Variants in ADCYAP1R1 observed in about 807,000 individuals in gnomAD.
The protein encoded by ADCYAP1R1 is pituitary adenylate cyclase-activating polypeptide type I receptor.
Under a neutral mutation model 67.6 loss-of-function variants are expected in ADCYAP1R1, and 44 were observed. The observed-to-expected ratio is 0.65, with a 90% CI of 0.51 to 0.84. The LOEUF (loss-of-function observed/expected upper bound fraction) is 0.84. Ranked by LOEUF, ADCYAP1R1 falls within the 40% of genes least tolerant of loss-of-function variation. ADCYAP1R1 has a pLI of 0.00. For missense variants in ADCYAP1R1, 477 were observed against 587.9 expected (o/e 0.81, Z 1.95); for synonymous variants, 222 against 219.6 (o/e 1.01, Z -0.10).
chr7:31,072,701 C>T (rs1207376288), intron 3 of ADCYAP1R1, among the ~76,000 whole-genome samples: 3 of 152,206 alleles, frequency 2.0e-5, no homozygotes, highest in African/African-American at 7.2e-5. Flanking sequence ...CGAATAATGC[C>T]CCCACCCCGG....
chr7:31,084,697 G>T, intron 7 of ADCYAP1R1, 40 bp from the exon 8 acceptor site: 1 of 1,556,342 alleles, frequency 6.4e-7, no homozygotes, highest in Non-Finnish European at 8.9e-7. Context: ...CTGTGGGCAG[G>T]TCTCACATGA....
intron 3 of ADCYAP1R1, among the ~76,000 whole-genome samples, chr7:31,065,919 C>CA (rs1794717553): frequency 6.6e-6 from 1 of 152,210 alleles, no homozygotes; most frequent in Non-Finnish European, 1.5e-5. Context: ...GGAATGGTCC[C>CA]ACTGGACGGA....
intron 3 of ADCYAP1R1, among the ~76,000 whole-genome samples, chr7:31,076,760 G>C (rs1795241927): frequency 6.6e-6 from 1 of 152,128 alleles, no homozygotes; most frequent in Admixed American, 6.5e-5. Flanking sequence ...GGGGGGAGTG[G>C]AGCAGCAGCC....
intron 1 of ADCYAP1R1, among the ~76,000 whole-genome samples, chr7:31,053,482 G>C (rs1794112433): frequency 6.6e-6 from 1 of 152,194 alleles, no homozygotes; most frequent in Non-Finnish European, 1.5e-5. Flanking sequence ...CAGGTTAGGG[G>C]GCTCAGAAGG....
In ADCYAP1R1 at chr7:31,106,850, C is replaced by T. The variant is rs1584556670; in HGVS notation, c.*166C>T. On this transcript the variant is annotated 3_prime_UTR_variant, in exon 16 of 16. Coordinates refer to ENST00000304166, the MANE Select transcript of ADCYAP1R1 (RefSeq NM_001118.5). ...GCAGGGCACAGACTGGAATTGTCCC[C>T]TCCTTGTTTTGGTACTGGTCCCACC... The T allele has an allele frequency of 2.4e-6, 2 of 833,376 alleles. No individual in the cohort carries two copies. The highest frequency in any genetic ancestry group is 1.9e-5 in the South Asian group (1 of 52,424). 51.6% of individuals were successfully genotyped at this position (833,376 alleles called of 1,614,324 possible).
chr7:31,053,498 G>A lies in ADCYAP1R1; in HGVS notation c.-72+820G>A, dbSNP rs182038967. ...AGGTTAGGGGGCTCAGAAGGGACAGGGGAGCCGATGGATGCAACTAGACCC... is the reference window on the plus strand; with the variant it reads ...AGGTTAGGGGGCTCAGAAGGGACAGAGGAGCCGATGGATGCAACTAGACCC... On this transcript the variant is annotated intron_variant, in intron 1 of 15. Coordinates refer to ENST00000304166, the MANE Select transcript of ADCYAP1R1 (RefSeq NM_001118.5). Among the ~76,000 whole-genome samples, 17 of 152,324 alleles carry A rather than the reference G, an allele frequency of 1.1e-4. No homozygotes were observed. The East Asian group carries it at 3.3e-3, about 29-fold the overall frequency.
Position 31,086,881 on chromosome 7 carries a change from C to A in ADCYAP1R1, c.824-62C>A. On this transcript the variant is annotated intron_variant, in intron 10 of 15. Coordinates refer to ENST00000304166, the MANE Select transcript of ADCYAP1R1 (RefSeq NM_001118.5). This position sits in a 1 kb window ranked among gnomAD's most constrained non-coding sequence, Gnocchi z 5.0. ...ATAGCCTCTCGGAGCCCCAGGTCTA[C>A]GGTGGACATTGGACATGTTGGTTTT... 6.5e-7 allele frequency: 1 copy of A among 1,549,164 alleles called. No individual in the cohort carries two copies. The highest frequency in any genetic ancestry group is 8.9e-7 in the Non-Finnish European group (1 of 1,121,176).
Position 31,086,392 on chromosome 7 carries a change from T to C in ADCYAP1R1, c.678T>C (p.Cys226=). The change falls in exon 10 of 16, where the codon TGT becomes TGC. Residue 226 remains cysteine, a synonymous_variant. Coordinates refer to ENST00000304166, the MANE Select transcript of ADCYAP1R1 (RefSeq NM_001118.5). This position sits in a 1 kb window ranked among gnomAD's most constrained non-coding sequence, Gnocchi z 5.0. Reference sequence around the variant, plus strand: ...GGCGCTTCTCCCTGCAGGTGGAATGTAAGGCCGTCATGGTTTTCTTCCACT... The same window carrying C: ...GGCGCTTCTCCCTGCAGGTGGAATGCAAGGCCGTCATGGTTTTCTTCCACT... ...SNHCFISTVE[C]KAVMVFFHYC... 6.2e-7 allele frequency: 1 copy of C among 1,614,062 alleles called. No homozygotes were observed. Among genetic ancestry groups the C allele is most frequent in the Non-Finnish European group, 8.5e-7 (1 of 1,180,006 alleles).
intron 13 of ADCYAP1R1, among the ~76,000 whole-genome samples, chr7:31,097,690 A>G (rs754909577): frequency 3.9e-5 from 6 of 152,148 alleles, no homozygotes; most frequent in Admixed American, 2.0e-4. Flanking sequence ...TTTACCATGG[A>G]AACATCTAGG....
rs1205220564 is a variant in ADCYAP1R1 at position 31,077,827 on chromosome 7, TGTTTGTTG to T, written c.158-161_158-154del. On this transcript the variant is annotated intron_variant, in intron 3 of 15. Transcript: ENST00000304166. The stretch of plus-strand genomic sequence containing the variant: ...TGTTGTGTGGTGTGTGTGTGATGTG[TGTTTGTTG>T]GTGTTGTGTGTGTGTTGTGTGTGTA... Among the ~76,000 whole-genome samples, 138 of 142,658 alleles carry T rather than the reference TGTTTGTTG, an allele frequency of 9.7e-4. 2 individuals carry two copies. Among genetic ancestry groups the T allele is most frequent in the African/African-American group, 3.5e-3 (120 of 34,256 alleles). The allele number at this position is 142,658 out of a possible 152,430, so 93.6% of individuals were successfully genotyped here. A position where few individuals can be genotyped will look rare whatever the true frequency, so the allele number is the denominator to read the frequency against.
chr7:31,082,685 TGCTG>T (rs775298214), intron 6 of ADCYAP1R1, among the ~76,000 whole-genome samples: 6 of 152,184 alleles, frequency 3.9e-5, no homozygotes, highest in Non-Finnish European at 8.8e-5. Context: ...GAGACAGATT[TGCTG>T]GAAGAAGGGA....
chr7:31,060,448 C>T (rs1056953245), intron 1 of ADCYAP1R1, among the ~76,000 whole-genome samples: 21 of 151,942 alleles, frequency 1.4e-4, no homozygotes, highest in Admixed American at 9.2e-4. Flanking sequence ...TGTGTGTGGT[C>T]CTCTATGTGT....
At chr7:31,070,155 C>A (rs1309843986) in intron 3 of ADCYAP1R1, among the ~76,000 whole-genome samples, 1 of 152,194 alleles carries the variant, frequency 6.6e-6, no homozygotes, top group Non-Finnish European at 1.5e-5. Context: ...ACAAAGGACG[C>A]CTGTACCTGG....
chr7:31,062,871 G>A (rs900845883), intron 1 of ADCYAP1R1, among the ~76,000 whole-genome samples: 11 of 152,210 alleles, frequency 7.2e-5, no homozygotes, highest in African/African-American at 2.7e-4. Context: ...TTGTCACTGT[G>A]GAGGAGGGGG....
At chr7:31,093,149 CTG>C (rs1257376200) in intron 13 of ADCYAP1R1, among the ~76,000 whole-genome samples, 1 of 152,330 alleles carries the variant, frequency 6.6e-6, no homozygotes, top group Non-Finnish European at 1.5e-5. Context: ...CCAGCCCAGA[CTG>C]TGGAAGTTGC....
intron 3 of ADCYAP1R1, among the ~76,000 whole-genome samples, chr7:31,070,082 G>A (rs952873995): frequency 6.6e-6 from 1 of 152,128 alleles, no homozygotes; most frequent in Non-Finnish European, 1.5e-5. Flanking sequence ...TGGGATCCAG[G>A]TCTGTTATAT....
intron 7 of ADCYAP1R1, 127 bp from the exon 8 acceptor site, chr7:31,084,610 G>A: frequency 2.5e-6 from 2 of 784,752 alleles, no homozygotes; most frequent in Admixed American, 3.7e-5. Context: ...ATCAGCAGAA[G>A]AGAGGAAGGA....
intron 3 of ADCYAP1R1, among the ~76,000 whole-genome samples, chr7:31,071,668 G>A (rs1055266188): frequency 1.3e-5 from 2 of 152,056 alleles, no homozygotes; most frequent in Non-Finnish European, 2.9e-5. Flanking sequence ...GTTGGGGCCC[G>A]GCCTATTCTC....
chr7:31,087,826 T>C lies in ADCYAP1R1; in HGVS notation c.954+130T>C, dbSNP rs191059057. Reference sequence around the variant, plus strand: ...TCTGTCATGGCTGCATTATAATCTGTAACAGGGATGCACAAACTCTTTAGC... The same window carrying C: ...TCTGTCATGGCTGCATTATAATCTGCAACAGGGATGCACAAACTCTTTAGC... On this transcript the variant is annotated intron_variant, in intron 12 of 15. Coordinates refer to ENST00000304166, the MANE Select transcript of ADCYAP1R1 (RefSeq NM_001118.5). 22 of 634,774 alleles carry C rather than the reference T, an allele frequency of 3.5e-5. No individual in the cohort carries two copies. In the East Asian group the frequency reaches 5.4e-4, roughly 15 times the overall value. The allele number at this position is 634,774 out of a possible 1,614,324, so 39.3% of individuals were successfully genotyped here. A position where few individuals can be genotyped will look rare whatever the true frequency, so the allele number is the denominator to read the frequency against.
Sources: gnomAD v4.1 joint callset for allele counts (sites outside exome capture counted in the v4.1 genomes callset) on GRCh38, gnomAD v4.1.1 for gene constraint, Gnocchi (gnomAD v3.1) non-coding constraint, MANE v1.5 for transcripts, NCBI Gene and HGNC (gene_info 2026-07-23, HGNC 2026-07-21) for gene names.